The following SLC44A3 variants were observed in gnomAD, a reference collection of about 807,000 sequenced individuals.
The protein encoded by SLC44A3 is choline transporter-like protein 3.
SLC44A3 carries 74 observed loss-of-function variants against 75.4 expected under a neutral mutation model. The observed-to-expected ratio is 0.98, with a 90% CI of 0.81 to 1.19. The LOEUF is 1.19. Among genes scored for constraint, SLC44A3 ranks in the 50% most tolerant of loss-of-function variants. The probability of loss-of-function intolerance (pLI) is 0.00; values close to 1 mark genes in which losing one functional copy is unlikely to be tolerated. For missense variants in SLC44A3, 700 were observed against 778.6 expected (o/e 0.90, Z 1.20); for synonymous variants, 310 against 296.9 (o/e 1.04, Z -0.45).
intron 7 of SLC44A3, among the ~76,000 whole-genome samples, chr1:94,840,668 TA>T (rs1164791423): frequency 6.6e-6 from 1 of 152,342 alleles, no homozygotes; most frequent in East Asian, 1.9e-4. Flanking sequence ...TCCATAACGT[TA>T]AAAGAGAATC....
At position 94,820,462 on chromosome 1, in the gene SLC44A3, T is replaced by C. The variant is rs1467728727; in HGVS notation, c.11T>C (p.Leu4Pro). ...GCCGGCGAGCGCACGATGCACTGCC[T>C]GGGCGCCGAGTACCTGGTAAGCGCT... MHCLGAEYLVSAEG... is the reference protein window; with the variant it reads MHCPGAEYLVSAEG... The change falls in exon 1 of 15, where the codon CTG becomes CCG. Residue 4 changes from leucine to proline, a missense_variant. Leu to Pro is a moderately conservative substitution (Grantham distance 98). Transcript: ENST00000271227. 10 of 1,493,936 alleles carry C rather than the reference T, an allele frequency of 6.7e-6. No individual in the cohort carries two copies. Among genetic ancestry groups the C allele is most frequent in the Non-Finnish European group, 8.0e-6 (9 of 1,125,712 alleles). The allele number at this position is 1,493,936 out of a possible 1,614,324, so 92.5% of individuals were successfully genotyped here.
chr1:94,877,956 T>C (rs564339602), intron 12 of SLC44A3, among the ~76,000 whole-genome samples: 2 of 152,162 alleles, frequency 1.3e-5, no homozygotes, highest in Non-Finnish European at 2.9e-5. Flanking sequence ...AAATTTGGGC[T>C]GGACGCGGTG....
chr1:94,844,448 G>A (rs573104701), intron 8 of SLC44A3, among the ~76,000 whole-genome samples: 1 of 152,330 alleles, frequency 6.6e-6, no homozygotes, highest in East Asian at 1.9e-4. Flanking sequence ...AGAGGAATAG[G>A]AGATACCCCC....
chr1:94,880,819 A>G (rs1220746442), intron 12 of SLC44A3, among the ~76,000 whole-genome samples: 1 of 151,982 alleles, frequency 6.6e-6, no homozygotes, highest in Non-Finnish European at 1.5e-5. Flanking sequence ...TTGCACAACA[A>G]TGTGAATATA....
rs985064918 is a variant in SLC44A3, at chr1:94,827,634, A to G, written c.406A>G (p.Asn136Asp). 4 of 1,614,006 alleles carry G rather than the reference A, an allele frequency of 2.5e-6. No individual in the cohort carries two copies. Among genetic ancestry groups the G allele is most frequent in the Non-Finnish European group, 3.4e-6 (4 of 1,180,026 alleles). ...CCTGGAAGAGGTCCAGTTCTTTGCA[A>G]ACACCAGTGGTAGGCACTAAGGCCT... Reference protein sequence around the residue: ...DSLEEVQFFANTSGSFLCVYS... With the variant: ...DSLEEVQFFADTSGSFLCVYS... Residue 136 changes from asparagine to aspartate, a missense_variant, in exon 4 of 15, where the codon AAC becomes GAC. Coordinates refer to ENST00000271227, the MANE Select transcript of SLC44A3 (RefSeq NM_001114106.3).
chr1:94,853,410 C>A (rs1665462561), intron 9 of SLC44A3, among the ~76,000 whole-genome samples: 1 of 152,054 alleles, frequency 6.6e-6, no homozygotes, highest in Non-Finnish European at 1.5e-5. Flanking sequence ...GGAGAGGAAG[C>A]TGGAAGAGGA....
In SLC44A3 at chr1:94,827,895, C is replaced by T. The variant is rs542441718; in HGVS notation, c.415+252C>T. Among the ~76,000 whole-genome samples, 4 of 152,276 alleles carry T rather than the reference C, an allele frequency of 2.6e-5. No individual in the cohort carries two copies. The East Asian group carries it at 7.7e-4, about 29-fold the overall frequency. ...GCTCCCTGCCACTGCAGGGAATGGT[C>T]ATCCACAGAGAGAGAGAGGAGACAG... On this transcript the variant is annotated intron_variant, in intron 4 of 14. Coordinates refer to ENST00000271227, the MANE Select transcript of SLC44A3 (RefSeq NM_001114106.3).
intron 5 of SLC44A3, among the ~76,000 whole-genome samples, chr1:94,831,803 T>G (rs1223853466): frequency 6.6e-6 from 1 of 152,220 alleles, no homozygotes; most frequent in Admixed American, 6.5e-5. Context: ...AATGACTTCC[T>G]GCAAGTTTGA....
intron 3 of SLC44A3, chr1:94,825,936 G>T (rs1369172240): frequency 1.3e-5 from 6 of 456,042 alleles, no homozygotes; most frequent in Non-Finnish European, 2.6e-5. Context: ...AGTCATTCCT[G>T]GTTGAAGTGA....
intron 12 of SLC44A3, among the ~76,000 whole-genome samples, chr1:94,876,333 C>T (rs970543045): frequency 1.3e-5 from 2 of 152,296 alleles, no homozygotes; most frequent in Middle Eastern, 3.4e-3. Flanking sequence ...TGTCCTCTTC[C>T]CTTAGGATAG....
chr1:94,894,302 T>C (rs1161084857), intron 14 of SLC44A3, among the ~76,000 whole-genome samples: 1 of 152,076 alleles, frequency 6.6e-6, no homozygotes, highest in East Asian at 1.9e-4. Flanking sequence ...TCTCTGACCT[T>C]CTCCCAAAGC....
chr1:94,853,632 A>T (rs72718234), intron 9 of SLC44A3, among the ~76,000 whole-genome samples: 9,950 of 152,168 alleles, frequency 0.065, 1,037 homozygotes, highest in African/African-American at 0.22. Flanking sequence ...ACCCGTGTTG[A>T]TAGCAGGTTA....
intron 10 of SLC44A3, among the ~76,000 whole-genome samples, chr1:94,863,641 GCTTC>G (rs1666845121): frequency 6.6e-6 from 1 of 152,186 alleles, no homozygotes; most frequent in Non-Finnish European, 1.5e-5. Context: ...ATTAGCAATA[GCTTC>G]CGTGGTTTTT....
At chr1:94,858,067 C>T (rs906611318) in intron 10 of SLC44A3, among the ~76,000 whole-genome samples, 1 of 151,980 alleles carries the variant, frequency 6.6e-6, no homozygotes, top group African/African-American at 2.4e-5. Flanking sequence ...CTGCCTCGGC[C>T]TCCCAAAGTG....
intron 10 of SLC44A3, among the ~76,000 whole-genome samples, chr1:94,859,966 G>A (rs1249561046): frequency 6.6e-6 from 1 of 152,216 alleles, no homozygotes; most frequent in African/African-American, 2.4e-5. Flanking sequence ...AAACAGTGAA[G>A]CTCATCAGAC....
intron 12 of SLC44A3, among the ~76,000 whole-genome samples, chr1:94,873,522 A>G (rs534956032): frequency 6.6e-6 from 1 of 152,120 alleles, no homozygotes; most frequent in African/African-American, 2.4e-5. Flanking sequence ...CCTCTCCCCA[A>G]CCTGCTCTGC....
chr1:94,855,369 T>G (rs1665755498), intron 9 of SLC44A3: 1 of 152,256 alleles, frequency 6.6e-6, no homozygotes, highest in Non-Finnish European at 1.5e-5. Context: ...CTGGGCCTTG[T>G]AGGAGGAGCA....
At chr1:94,851,678 T>C (rs1665231211) in intron 9 of SLC44A3, among the ~76,000 whole-genome samples, 1 of 152,222 alleles carries the variant, frequency 6.6e-6, no homozygotes, top group African/African-American at 2.4e-5. Flanking sequence ...GATTTTCCTC[T>C]CTTTTTTCCT....
chr1:94,847,508 C>G (rs1160680946), intron 9 of SLC44A3, among the ~76,000 whole-genome samples: 1 of 152,104 alleles, frequency 6.6e-6, no homozygotes, highest in Non-Finnish European at 1.5e-5. Flanking sequence ...CAGGCACGCA[C>G]CAATCAGAGG....
Sources: allele counts gnomAD v4.1 joint callset (sites outside exome capture counted in the v4.1 genomes callset), GRCh38; gene constraint gnomAD v4.1.1; transcripts MANE v1.5; gene names NCBI Gene and HGNC (gene_info 2026-07-23, HGNC 2026-07-21).